Variants in LAPTM4B observed in about 807,000 individuals in gnomAD.
LAPTM4B encodes the protein lysosomal-associated transmembrane protein 4B.
In LAPTM4B, 26 loss-of-function variants were observed where a neutral mutation model predicts 28.5. The observed-to-expected ratio is 0.91, with a 90% CI of 0.67 to 1.27. The LOEUF (loss-of-function observed/expected upper bound fraction) is 1.27. Ranked by LOEUF, LAPTM4B falls within the 50% of genes most tolerant of loss-of-function variation. The probability of loss-of-function intolerance (pLI) is 0.00; values close to 1 mark genes in which losing one functional copy is unlikely to be tolerated. For missense variants in LAPTM4B, 288 were observed against 285.8 expected, an observed-to-expected ratio of 1.01 and a Z score of -0.06; for synonymous variants, 109 against 106.4, an observed-to-expected ratio of 1.02 and a Z score of -0.15.
chr8:97,827,655 C>G (rs1330489101), intron 6 of LAPTM4B, among the ~76,000 whole-genome samples: 1 of 152,078 alleles, frequency 6.6e-6, no homozygotes, highest in Non-Finnish European at 1.5e-5. Context: ...GACACTGTTT[C>G]CAGGTAGATA....
intron 1 of LAPTM4B, among the ~76,000 whole-genome samples, chr8:97,776,510 C>G (rs1816219254): frequency 1.3e-5 from 2 of 152,238 alleles, no homozygotes; most frequent in Non-Finnish European, 2.9e-5. Context: ...CGGCTGCGGA[C>G]GGAGCGGTCG....
At chr8:97,822,106 G>A (rs1586336623) in intron 5 of LAPTM4B, among the ~76,000 whole-genome samples, 1 of 151,988 alleles carries the variant, frequency 6.6e-6, no homozygotes, top group Admixed American at 6.6e-5. Context: ...GCTGGTATTT[G>A]GCCCCACATG....
chr8:97,813,762 T>C (rs1274929821), intron 2 of LAPTM4B, among the ~76,000 whole-genome samples: 3 of 152,198 alleles, frequency 2.0e-5, no homozygotes, highest in Non-Finnish European at 4.4e-5. Flanking sequence ...GATTTGCAAT[T>C]TAGTAGAGAT....
intron 1 of LAPTM4B, among the ~76,000 whole-genome samples, chr8:97,797,016 A>C (rs1816595399): frequency 6.6e-6 from 1 of 152,166 alleles, no homozygotes; most frequent in Non-Finnish European, 1.5e-5. Context: ...TGATCCCAGC[A>C]CTTTGGGAGG....
At chr8:97,815,864 A>ACT (rs1367014918) in intron 3 of LAPTM4B, among the ~76,000 whole-genome samples, 194 bp from the exon 4 acceptor site, 4 of 152,174 alleles carry the variant, frequency 2.6e-5, no homozygotes, top group African/African-American at 9.7e-5. Flanking sequence ...CACCACACAC[A>ACT]GCCAGTCCTG....
intron 4 of LAPTM4B, among the ~76,000 whole-genome samples, chr8:97,817,471 A>C (rs1816938749): frequency 8.2e-6 from 1 of 122,602 alleles, no homozygotes; most frequent in South Asian, 2.6e-4. Flanking sequence ...TTTTTGAGAC[A>C]GAGTCTCACT....
chr8:97,810,181 C>A (rs1210209439), intron 2 of LAPTM4B, among the ~76,000 whole-genome samples: 1 of 152,116 alleles, frequency 6.6e-6, no homozygotes, highest in African/African-American at 2.4e-5. Context: ...CTCGACGTCC[C>A]AAAGTGCTAG....
chr8:97,850,251 G>T (rs1468331057), intron 6 of LAPTM4B, among the ~76,000 whole-genome samples: 1 of 151,936 alleles, frequency 6.6e-6, no homozygotes, highest in African/African-American at 2.4e-5. Flanking sequence ...ACCCTAGCCA[G>T]TACAGGTGCC....
chr8:97,825,232 G>A, intron 6 of LAPTM4B, 79 bp downstream of exon 6: 5 of 741,200 alleles, frequency 6.7e-6, no homozygotes, highest in Non-Finnish European at 1.2e-5. Flanking sequence ...TCTAGTGTTT[G>A]CTACATTTTT....
At chr8:97,781,640 C>T (rs1020041943) in intron 1 of LAPTM4B, among the ~76,000 whole-genome samples, 26 of 152,164 alleles carry the variant, frequency 1.7e-4, no homozygotes, top group African/African-American at 6.3e-4. Context: ...ACCCACATTC[C>T]TTGAGAACAT....
chr8:97,792,914 ATTGT>A (rs1042294810), intron 1 of LAPTM4B, among the ~76,000 whole-genome samples: 1 of 152,140 alleles, frequency 6.6e-6, no homozygotes, highest in Non-Finnish European at 1.5e-5. Flanking sequence ...ATACCCTAAA[ATTGT>A]TTGTGCTATA....
At chr8:97,798,954 T>C (rs949600878) in intron 1 of LAPTM4B, among the ~76,000 whole-genome samples, 1 of 152,222 alleles carries the variant, frequency 6.6e-6, no homozygotes, top group African/African-American at 2.4e-5. Flanking sequence ...TCCACTGACC[T>C]TTTCCATTTC....
intron 2 of LAPTM4B, among the ~76,000 whole-genome samples, chr8:97,807,812 C>T (rs961987262): frequency 3.3e-5 from 5 of 150,744 alleles, no homozygotes; most frequent in African/African-American, 9.8e-5. Flanking sequence ...TGCTTTCTAG[C>T]CATCATCTTC....
chr8:97,783,618 CTG>C (rs1816357140), intron 1 of LAPTM4B, among the ~76,000 whole-genome samples: 1 of 152,144 alleles, frequency 6.6e-6, no homozygotes, highest in East Asian at 1.9e-4. Flanking sequence ...GATTGAGAGT[CTG>C]ACACCTTTGA....
intron 1 of LAPTM4B, among the ~76,000 whole-genome samples, chr8:97,795,740 C>T (rs1355759071): frequency 6.7e-6 from 1 of 150,100 alleles, no homozygotes; most frequent in Non-Finnish European, 1.5e-5. Context: ...GTAGTCCCAG[C>T]TACTCTGGAG....
At chr8:97,789,036 C>CTCTT (rs1563602148) in intron 1 of LAPTM4B, among the ~76,000 whole-genome samples, 1 of 138,312 alleles carries the variant, frequency 7.2e-6, no homozygotes, top group East Asian at 2.1e-4. Flanking sequence ...TTGGTGCTCA[C>CTCTT]TCTTTATTTA....
intron 1 of LAPTM4B, among the ~76,000 whole-genome samples, chr8:97,796,100 C>T (rs558095862): frequency 5.9e-5 from 9 of 152,266 alleles, no homozygotes; most frequent in South Asian, 2.1e-4. Context: ...CCACCCTATC[C>T]GCTTAGTTTT....
intron 1 of LAPTM4B, among the ~76,000 whole-genome samples, chr8:97,787,346 T>G (rs1440368736): frequency 6.7e-6 from 1 of 148,314 alleles, no homozygotes; most frequent in South Asian, 2.1e-4. Flanking sequence ...AGTGCAGTGG[T>G]GCAATCTCGG....
intron 6 of LAPTM4B, among the ~76,000 whole-genome samples, chr8:97,850,222 G>A (rs1041760500): frequency 6.6e-6 from 1 of 151,944 alleles, no homozygotes; most frequent in African/African-American, 2.4e-5. Flanking sequence ...TCACTGTGTG[G>A]CTTCTGTGTT....
Sources: gnomAD v4.1 joint callset for allele counts (sites outside exome capture counted in the v4.1 genomes callset) on GRCh38, gnomAD v4.1.1 for gene constraint, MANE v1.5 for transcripts, NCBI Gene and HGNC (gene_info 2026-07-23, HGNC 2026-07-21) for gene names.